The following SOX6 variants were observed in gnomAD, a reference collection of about 807,000 sequenced individuals.
The protein encoded by SOX6 is transcription factor SOX-6.
A neutral mutation model predicts 97.8 loss-of-function variants in SOX6; 11 were observed. That is an observed-to-expected ratio of 0.11 (90% CI 0.07 to 0.19). The LOEUF is 0.19. Among genes scored for constraint, SOX6 ranks in the 10% least tolerant of loss-of-function variants. The pLI, the probability that SOX6 is intolerant of heterozygous loss-of-function variation, is 1.00. For missense variants in SOX6, 810 were observed against 1,039.5 expected (o/e 0.78, Z 3.04); for synonymous variants, 360 against 371.4 (o/e 0.97, Z 0.35).
intron 3 of SOX6, among the ~76,000 whole-genome samples, chr11:16,696,126 C>A (rs748317587): frequency 9.2e-5 from 14 of 152,158 alleles, no homozygotes; most frequent in Non-Finnish European, 1.5e-4. Context: ...AAGAAATGAA[C>A]ATTTTGAAAG....
At chr11:16,357,752 G>A (rs995718682), upstream of SOX6, among the ~76,000 whole-genome samples, 1 of 152,062 alleles carries the variant, frequency 6.6e-6, no homozygotes, top group Non-Finnish European at 1.5e-5. Context: ...AAATAATACG[G>A]ATTCTTTTAT....
intron 4 of SOX6, among the ~76,000 whole-genome samples, chr11:16,188,071 G>T (rs1851530392): frequency 6.6e-6 from 1 of 151,958 alleles, no homozygotes; most frequent in African/African-American, 2.4e-5. Context: ...TTAATTATGA[G>T]TGGCCTTATT....
At chr11:16,514,207 C>A (rs1401247469) in intron 4 of SOX6, among the ~76,000 whole-genome samples, 1 of 142,030 alleles carries the variant, frequency 7.0e-6, no homozygotes, top group Admixed American at 7.0e-5. Context: ...CAGCGCAAGT[C>A]CCTGGCTCAA....
chr11:16,061,675 G>A (rs1847959569), intron 9 of SOX6, among the ~76,000 whole-genome samples: 1 of 151,768 alleles, frequency 6.6e-6, no homozygotes, highest in Non-Finnish European at 1.5e-5. Context: ...AAAACAGTAT[G>A]GTACTTGTGT....
rs973056039 is a variant in SOX6, at chr11:15,967,044, A to ATT, written c.*5763_*5764dup. The ATT allele has an allele frequency of 2.0e-5, 3 of 151,818 alleles. No individual in the cohort carries two copies. The East Asian group carries it at 5.8e-4, about 29-fold the overall frequency. The allele number at this position is 151,818 out of a possible 1,614,324, so 9.4% of individuals were successfully genotyped here. ...AAAACTTTACACTGGACTGTACAAG[A>ATT]TTTTTTTTTGATAAACTATTTACAT... On this transcript the variant is annotated 3_prime_UTR_variant, in exon 16 of 16. Transcript: ENST00000683767.
At chr11:16,325,520 GA>G (rs1272702199) in intron 2 of SOX6, among the ~76,000 whole-genome samples, 1 of 151,888 alleles carries the variant, frequency 6.6e-6, no homozygotes. Flanking sequence ...AGGGGAAACA[GA>G]AAAAAATAGT....
intron 4 of SOX6, among the ~76,000 whole-genome samples, chr11:16,548,381 T>A (rs10832643): frequency 1.3e-5 from 2 of 151,990 alleles, no homozygotes; most frequent in Admixed American, 1.3e-4. Context: ...GAAAATGTTC[T>A]CAATTTTTAA....
At chr11:16,654,838 T>C (rs1381412033) in intron 3 of SOX6, among the ~76,000 whole-genome samples, 1 of 152,188 alleles carries the variant, frequency 6.6e-6, no homozygotes, top group Non-Finnish European at 1.5e-5. Context: ...TTTACTATGA[T>C]GAACCTGTTG....
At chr11:15,996,267 G>A (rs1482051532) in intron 13 of SOX6, among the ~76,000 whole-genome samples, 2 of 152,138 alleles carry the variant, frequency 1.3e-5, no homozygotes, top group East Asian at 3.8e-4. Flanking sequence ...ACGTGAAGTG[G>A]TAAAATTTTA....
chr11:16,164,738 A>G (rs6486274), intron 6 of SOX6, among the ~76,000 whole-genome samples: 148,667 of 151,766 alleles, frequency 0.98, 72,888 homozygotes, highest in East Asian at 1. Flanking sequence ...CAGGAGAATC[A>G]CTTGAACCTG....
At chr11:16,697,141 GATTCTACTTCTA>G (rs1477606945) in intron 3 of SOX6, among the ~76,000 whole-genome samples, 3 of 152,124 alleles carry the variant, frequency 2.0e-5, no homozygotes, top group Non-Finnish European at 4.4e-5. Flanking sequence ...CTCCACTTCT[GATTCTACTTCTA>G]ATTCTACTTC....
At chr11:16,187,673 G>T (rs970946064) in intron 4 of SOX6, among the ~76,000 whole-genome samples, 1 of 152,130 alleles carries the variant, frequency 6.6e-6, no homozygotes, top group African/African-American at 2.4e-5. Flanking sequence ...CACATTCAAG[G>T]TTGAAAAGGT....
intron 4 of SOX6, among the ~76,000 whole-genome samples, chr11:16,213,993 A>G (rs767855961): frequency 9.9e-5 from 15 of 152,202 alleles, no homozygotes; most frequent in Non-Finnish European, 1.9e-4. Flanking sequence ...TATGGCTATT[A>G]TAATATAGAA....
intron 4 of SOX6, among the ~76,000 whole-genome samples, chr11:16,519,696 C>A (rs1029302377): frequency 1.3e-5 from 2 of 152,088 alleles, no homozygotes; most frequent in African/African-American, 4.8e-5. Flanking sequence ...AAAATGATTT[C>A]TTTTCCTTTG....
intron 1 of SOX6, among the ~76,000 whole-genome samples, chr11:16,435,325 T>C (rs1859355203): frequency 6.6e-6 from 1 of 152,222 alleles, no homozygotes; most frequent in Non-Finnish European, 1.5e-5. Flanking sequence ...TAATTGGTTC[T>C]ATATCTTTTG....
chr11:16,176,707 A>G (rs559620955), intron 6 of SOX6, among the ~76,000 whole-genome samples: 2 of 152,092 alleles, frequency 1.3e-5, no homozygotes, highest in East Asian at 3.9e-4. Flanking sequence ...AAGGATAAAG[A>G]GAATGTAATG....
intron 4 of SOX6, among the ~76,000 whole-genome samples, chr11:16,598,316 T>C (rs908699668): frequency 1.2e-4 from 18 of 152,192 alleles, no homozygotes; most frequent in African/African-American, 4.1e-4. Context: ...ATGGACCTAG[T>C]TGGAAATTAT....
intron 9 of SOX6, among the ~76,000 whole-genome samples, chr11:16,067,856 A>T (rs986530125): frequency 1.3e-5 from 2 of 152,118 alleles, no homozygotes; most frequent in African/African-American, 4.8e-5. Context: ...CCCTTCAAAT[A>T]CTACCTTCCT....
intron 7 of SOX6, among the ~76,000 whole-genome samples, chr11:16,110,114 A>G (rs1459368988): frequency 6.6e-6 from 1 of 152,212 alleles, no homozygotes; most frequent in Non-Finnish European, 1.5e-5. Context: ...AAGTGGCGGT[A>G]TTGTTTCAAC....
Sources: gnomAD v4.1 joint callset for allele counts (sites outside exome capture counted in the v4.1 genomes callset) on GRCh38, gnomAD v4.1.1 for gene constraint, MANE v1.5 for transcripts, NCBI Gene and HGNC (gene_info 2026-07-23, HGNC 2026-07-21) for gene names.